The following C5orf63 variants were observed in gnomAD, a reference collection of about 807,000 sequenced individuals.
C5orf63 encodes glutaredoxin-like protein C5orf63.
Under a neutral mutation model 13.3 loss-of-function variants are expected in C5orf63, and 18 were observed. The ratio of observed to expected loss-of-function variants is 1.36; its 90% CI spans 0.94 to 2.01. The LOEUF is 2.01. Ranked by LOEUF, C5orf63 falls within the 30% of genes most tolerant of loss-of-function variation. C5orf63 has a pLI of 0.00. For missense variants in C5orf63, 118 were observed against 127.7 expected, an observed-to-expected ratio of 0.92 and a Z score of 0.36; for synonymous variants, 38 against 44.7, an observed-to-expected ratio of 0.85 and a Z score of 0.60.
chr5:127,056,909 ATCT>A (rs1753907669), intron 3 of C5orf63, among the ~76,000 whole-genome samples: 2 of 152,244 alleles, frequency 1.3e-5, no homozygotes, highest in South Asian at 4.1e-4. Context: ...TGGGAGTACC[ATCT>A]TCTTGTGTGC....
chr5:127,047,908 T>C (rs1361769345), downstream of C5orf63: 6 of 691,524 alleles, frequency 8.7e-6, no homozygotes, highest in Non-Finnish European at 1.6e-5. Context: ...CTGATCCTTG[T>C]AGGGTTGCTA....
chr5:127,060,698 A>G (rs1723162266), intron 2 of C5orf63, among the ~76,000 whole-genome samples: 1 of 152,070 alleles, frequency 6.6e-6, no homozygotes, highest in South Asian at 2.1e-4. Context: ...ACCCAATATC[A>G]TTTCTTCCTC....
downstream of C5orf63, chr5:127,047,271 G>C (rs1753539560): frequency 6.4e-6 from 1 of 155,168 alleles, no homozygotes; most frequent in African/African-American, 2.4e-5. Context: ...TTATATCAAA[G>C]TTAATCTTTA....
chr5:127,061,770 T>C (rs546995524), intron 2 of C5orf63, among the ~76,000 whole-genome samples: 2 of 152,318 alleles, frequency 1.3e-5, no homozygotes, highest in South Asian at 4.1e-4. Flanking sequence ...TTATACATCA[T>C]GGGATGTGGA....
At chr5:127,061,737 C>T (rs1307353727) in intron 2 of C5orf63, among the ~76,000 whole-genome samples, 6 of 152,162 alleles carry the variant, frequency 3.9e-5, no homozygotes. Context: ...GAATTGTTAG[C>T]CATGTTTACT....
chr5:127,058,910 G>A lies in C5orf63; in HGVS notation c.86C>T (p.Thr29Ile). The part of the protein sequence containing the change: ...FLRNCSASKT[T>I]LPVLTLFTKD... ...TGTGAATAAGGTCAACACAGGCAGAGTTGTCTTAGAGGCAGAGCAATTTCT... is the reference window on the plus strand; with the variant it reads ...TGTGAATAAGGTCAACACAGGCAGAATTGTCTTAGAGGCAGAGCAATTTCT... Residue 29 changes from threonine to isoleucine, a missense_variant, in exon 3 of 5, where the codon ACT becomes ATT. Coordinates refer to ENST00000296662, the MANE Select transcript of C5orf63 (RefSeq NM_001164478.2). 6.5e-7 allele frequency: 1 copy of A among 1,536,656 alleles called. No homozygotes were observed. The highest frequency in any genetic ancestry group is 8.7e-7 in the Non-Finnish European group (1 of 1,146,346).
intron 2 of C5orf63, among the ~76,000 whole-genome samples, chr5:127,062,048 G>A (rs935574769): frequency 6.6e-6 from 1 of 152,212 alleles, no homozygotes; most frequent in Non-Finnish European, 1.5e-5. Context: ...TGGCTGAGTT[G>A]AGACTGAAGT....
chr5:127,056,345 T>A (rs1753885138), intron 3 of C5orf63: 1 of 152,338 alleles, frequency 6.6e-6, no homozygotes, highest in Admixed American at 6.5e-5. Context: ...TGCTGATAAA[T>A]ATATACCCAA....
intron 3 of C5orf63, among the ~76,000 whole-genome samples, 174 bp from the exon 4 acceptor site, chr5:127,052,843 A>G (rs1365471166): frequency 6.6e-6 from 1 of 152,262 alleles, no homozygotes; most frequent in Non-Finnish European, 1.5e-5. Flanking sequence ...ATAGAATCTT[A>G]TAAATAACTA....
chr5:127,051,169 A>G (rs1390555960), downstream of C5orf63: 1 of 424,692 alleles, frequency 2.4e-6, no homozygotes, highest in Non-Finnish European at 3.8e-6. Flanking sequence ...ACATTTAAGG[A>G]GTTTAAGTTT....
intron 2 of C5orf63, among the ~76,000 whole-genome samples, chr5:127,068,885 T>C (rs761278655): frequency 6.6e-6 from 1 of 152,154 alleles, no homozygotes; most frequent in Non-Finnish European, 1.5e-5. Flanking sequence ...CCCCCTCTAG[T>C]TCCCAAGAGT....
downstream of C5orf63, chr5:127,048,027 G>C (rs553153282): frequency 2.3e-5 from 14 of 596,460 alleles, no homozygotes; most frequent in African/African-American, 1.3e-4. Flanking sequence ...GACCACACTT[G>C]GTACAGGCTG....
intron 2 of C5orf63, among the ~76,000 whole-genome samples, chr5:127,062,089 CA>C (rs1279637404): frequency 6.6e-6 from 1 of 152,208 alleles, no homozygotes; most frequent in Non-Finnish European, 1.5e-5. Context: ...TTCAAATTCA[CA>C]AAGGAAATCT....
chr5:127,046,393 T>G (rs1401972355), downstream of C5orf63: 1 of 152,314 alleles, frequency 6.6e-6, no homozygotes, highest in Non-Finnish European at 1.5e-5. Context: ...ACCTCACTCC[T>G]AAATATCTCC....
At chr5:127,059,728 C>CAAAAA (rs58498141) in intron 2 of C5orf63, among the ~76,000 whole-genome samples, 1 of 99,234 alleles carries the variant, frequency 1.0e-5, no homozygotes, top group Non-Finnish European at 2.1e-5. Context: ...GATCTTATCT[C>CAAAAA]AAAAAAAAAA....
chr5:127,049,594 C>G (rs1313545784), downstream of C5orf63, among the ~76,000 whole-genome samples: 1 of 152,182 alleles, frequency 6.6e-6, no homozygotes, highest in East Asian at 1.9e-4. Flanking sequence ...GTGAGTATCT[C>G]AAAGACAAGG....
At chr5:127,061,495 T>C (rs1291604477) in intron 2 of C5orf63, among the ~76,000 whole-genome samples, 2 of 152,208 alleles carry the variant, frequency 1.3e-5, no homozygotes, top group Non-Finnish European at 2.9e-5. Flanking sequence ...AAAAAAGGAA[T>C]ATGATGAGAA....
intron 2 of C5orf63, among the ~76,000 whole-genome samples, chr5:127,064,277 C>T (rs947027497): frequency 6.6e-6 from 1 of 152,140 alleles, no homozygotes; most frequent in African/African-American, 2.4e-5. Flanking sequence ...AGCTTTGGAA[C>T]AGAAACAGGG....
At chr5:127,066,411 G>A (rs1754338517) in intron 2 of C5orf63, among the ~76,000 whole-genome samples, 2 of 152,106 alleles carry the variant, frequency 1.3e-5, no homozygotes, top group Non-Finnish European at 2.9e-5. Context: ...GCATTAGTTT[G>A]GATGAGACGG....
Sources: allele counts gnomAD v4.1 joint callset (sites outside exome capture counted in the v4.1 genomes callset), GRCh38; gene constraint gnomAD v4.1.1; transcripts MANE v1.5; gene names NCBI Gene and HGNC (gene_info 2026-07-23, HGNC 2026-07-21).